The following MAT2A variants were observed in gnomAD, a reference collection of about 807,000 sequenced individuals.
MAT2A encodes the protein methionine adenosyltransferase 2A.
A neutral mutation model predicts 43.9 loss-of-function variants in MAT2A; 3 were observed. The ratio of observed to expected loss-of-function variants is 0.07; its 90% CI spans 0.03 to 0.18. MAT2A has a LOEUF of 0.18. Ranked by LOEUF, MAT2A falls within the 10% of genes least tolerant of loss-of-function variation. The pLI is 1.00. For missense variants in MAT2A, 204 were observed against 489.0 expected (o/e 0.42, Z 5.50); for synonymous variants, 200 against 168.4 (o/e 1.19, Z -1.45).
intron 3 of MAT2A, 99 bp from the exon 4 acceptor site, chr2:85,541,534 A>G (rs894847668): frequency 3.1e-6 from 4 of 1,285,546 alleles, no homozygotes; most frequent in African/African-American, 1.5e-5. Flanking sequence ...TGGTTTAGGT[A>G]TATTTGATTT....
chr2:85,542,854 A>G (rs1233847071), intron 7 of MAT2A, 47 bp from the exon 8 acceptor site: 5 of 1,595,900 alleles, frequency 3.1e-6, no homozygotes, highest in Middle Eastern at 1.8e-4. Context: ...ATACAAGTAT[A>G]TGGGTCTTTG....
At chr2:85,539,447 G>A (rs1349720730) in intron 1 of MAT2A, 69 bp downstream of exon 1, 26 of 1,314,050 alleles carry the variant, frequency 2.0e-5, no homozygotes, top group African/African-American at 3.1e-5. Context: ...GCTGGCTGCG[G>A]CCGGCCGGTG....
At chr2:85,539,450 G>A in intron 1 of MAT2A, 72 bp downstream of exon 1, 9 of 1,230,638 alleles carry the variant, frequency 7.3e-6, no homozygotes, top group Non-Finnish European at 1.0e-5. Context: ...GGCTGCGGCC[G>A]GCCGGTGGTG....
At position 85,539,444 on chromosome 2, in the gene MAT2A, G is replaced by GCGGC. The variant is rs1352709131; in HGVS notation, c.91+74_91+77dup. ...AGGCAGCGCCAAGGTCCGGCTGGCT[G>GCGGC]CGGCCGGCCGGTGGTGGGGCCCGCG... On this transcript the variant is annotated intron_variant, in intron 1 of 8. Coordinates refer to ENST00000306434, the MANE Select transcript of MAT2A (RefSeq NM_005911.6). 9.7e-6 allele frequency: 13 copies of GCGGC among 1,342,496 alleles called. No homozygotes were observed. The East Asian group carries it at 2.9e-4, about 30-fold the overall frequency. 83.2% of individuals were successfully genotyped at this position (1,342,496 alleles called of 1,614,324 possible).
rs1417054644 is a variant in MAT2A at position 85,544,663 on chromosome 2, T to G, written c.*891T>G. ...TTGCACACTTTGGTACCAGATAACT[T>G]TTTTTTTTCTTTATAAGAAAGCCTG... On this transcript the variant is annotated 3_prime_UTR_variant, in exon 9 of 9. Transcript: ENST00000306434. 6.6e-6 allele frequency: 1 copy of G among 151,852 alleles called. No homozygotes were observed. The highest frequency in any genetic ancestry group is 2.1e-4 in the South Asian group (1 of 4,778). The allele number at this position is 151,852 out of a possible 1,614,324, so 9.4% of individuals were successfully genotyped here.
Position 85,543,877 on chromosome 2 carries a change from G to A in MAT2A, c.*105G>A, listed in dbSNP as rs984413834. On this transcript the variant is annotated 3_prime_UTR_variant, in exon 9 of 9. Coordinates refer to ENST00000306434, the MANE Select transcript of MAT2A (RefSeq NM_005911.6). ...TCCTAAATTTTCCTGTCCTCTTTCAGCTCCTGACCAGTTGCAGTCACTCTA... is the reference window on the plus strand; with the variant it reads ...TCCTAAATTTTCCTGTCCTCTTTCAACTCCTGACCAGTTGCAGTCACTCTA... The A allele has an allele frequency of 1.5e-6, 1 of 661,794 alleles. No homozygotes were observed. The highest frequency in any genetic ancestry group is 2.6e-6 in the Non-Finnish European group (1 of 382,094). The allele number at this position is 661,794 out of a possible 1,614,324, so 41.0% of individuals were successfully genotyped here.
In MAT2A at chr2:85,541,864, G is replaced by A. The variant is rs1314597696; in HGVS notation, c.441G>A (p.Glu147=). ...TTGGCTATGCCACTGATGAAACTGA[G>A]GAGTGTATGCCTTTAACCATTGTCT... is the stretch of plus-strand genomic sequence containing the variant. The part of the protein sequence containing the change: ...LMFGYATDET[E]ECMPLTIVLA... The change falls in exon 5 of 9, where the codon GAG becomes GAA. Residue 147 remains glutamate, a synonymous_variant. Coordinates refer to ENST00000306434, the MANE Select transcript of MAT2A (RefSeq NM_005911.6). 6.2e-7 allele frequency: 1 copy of A among 1,614,116 alleles called. No individual in the cohort carries two copies. The highest frequency in any genetic ancestry group is 8.5e-7 in the Non-Finnish European group (1 of 1,180,034).
At chr2:85,539,587 C>T (rs1003420457) in intron 1 of MAT2A, 7 of 451,686 alleles carry the variant, frequency 1.5e-5, no homozygotes, top group South Asian at 3.4e-5. Context: ...TCCACCCTTC[C>T]CTTCCCCCCT....
At chr2:85,539,497 G>C in intron 1 of MAT2A, 119 bp downstream of exon 1, 1 of 690,590 alleles carries the variant, frequency 1.4e-6, no homozygotes, top group South Asian at 2.4e-5. Context: ...CCGGGTGATG[G>C]AAGAGCGGCG....
intron 1 of MAT2A, 113 bp downstream of exon 1, chr2:85,539,491 G>A (rs982035800): frequency 6.6e-6 from 5 of 758,148 alleles, no homozygotes; most frequent in Non-Finnish European, 9.9e-6. Flanking sequence ...CGTCCGCCGG[G>A]TGATGGAAGA....
In MAT2A at chr2:85,542,591, A is replaced by G. The variant is rs775270491; in HGVS notation, c.795A>G (p.Lys265=). The change falls in exon 7 of 9, where the codon AAA becomes AAG. Residue 265 remains lysine, a synonymous_variant. Transcript: ENST00000306434. ...PQGDAGLTGR[K]IIVDTYGGWG... is the part of the protein sequence containing the mutation. ...GTGATGCTGGTTTGACTGGACGCAA[A>G]ATCATTGTGGACACTTATGGCGGTT... is the stretch of plus-strand genomic sequence containing the variant. 9 of 1,613,976 alleles carry G rather than the reference A, an allele frequency of 5.6e-6. No homozygotes were observed. The highest frequency in any genetic ancestry group is 1.3e-5 in the African/African-American group (1 of 74,920).
rs752066000 is a variant in MAT2A at position 85,542,960 on chromosome 2, C to T, written c.1011C>T (p.Thr337=). ...CTATCTCCATTTTCCATTATGGTACCTCTCAGAAGAGTGAGAGAGAGCTAT... is the reference window on the plus strand; with the variant it reads ...CTATCTCCATTTTCCATTATGGTACTTCTCAGAAGAGTGAGAGAGAGCTAT... ...PLSISIFHYG[T]SQKSERELLE... The change falls in exon 8 of 9, where the codon ACC becomes ACT. Residue 337 remains threonine, a synonymous_variant. Coordinates refer to ENST00000306434, the MANE Select transcript of MAT2A (RefSeq NM_005911.6). 5 of 1,613,684 alleles carry T rather than the reference C, an allele frequency of 3.1e-6. No individual in the cohort carries two copies. The highest frequency in any genetic ancestry group is 3.4e-6 in the Non-Finnish European group (4 of 1,179,844).
In MAT2A at chr2:85,543,050, C is replaced by A; in HGVS notation, c.1085+16C>A. ...TCATTGTCAGGTAAAGATGGTAAAG[C>A]CTGTTGCTAGTCAAGTATTGAGGGT... On this transcript the variant is annotated intron_variant, in intron 8 of 8. Coordinates refer to ENST00000306434, the MANE Select transcript of MAT2A (RefSeq NM_005911.6). 1 of 1,609,680 alleles carries A rather than the reference C, an allele frequency of 6.2e-7. No homozygotes were observed. Among genetic ancestry groups the A allele is most frequent in the Non-Finnish European group, 8.5e-7 (1 of 1,178,644 alleles).
At chr2:85,539,449 C>T (rs1437625677) in intron 1 of MAT2A, 71 bp downstream of exon 1, 3 of 1,296,650 alleles carry the variant, frequency 2.3e-6, no homozygotes, top group East Asian at 2.9e-5. Flanking sequence ...TGGCTGCGGC[C>T]GGCCGGTGGT....
chr2:85,542,894 C>CT lies in MAT2A; in HGVS notation c.952-3dup, dbSNP rs139344458. 102 of 1,610,966 alleles carry CT rather than the reference C, an allele frequency of 6.3e-5. 1 individual carries two copies. The Middle Eastern group carries it at 2.1e-3, about 32-fold the overall frequency. ...CACTGATTCTTACGACATTTGAATCCTTTTAGGTCTCTTATGCTATTGGAG... is the reference window on the plus strand; with the variant it reads ...CACTGATTCTTACGACATTTGAATCCTTTTTAGGTCTCTTATGCTATTGGAG... On this transcript the variant is annotated splice_polypyrimidine_tract_variant and splice_region_variant and intron_variant, in intron 7 of 8. Transcript: ENST00000306434.
chr2:85,541,209 T>C (rs1422859816), intron 2 of MAT2A, 46 bp from the exon 3 acceptor site: 1 of 1,610,488 alleles, frequency 6.2e-7, no homozygotes, highest in East Asian at 2.2e-5. Flanking sequence ...GCATAAAAAT[T>C]ATTTTTATAG....
intron 1 of MAT2A, among the ~76,000 whole-genome samples, chr2:85,540,532 GA>G (rs1284228726): frequency 6.6e-6 from 1 of 152,190 alleles, no homozygotes; most frequent in African/African-American, 2.4e-5. Context: ...AAACGAACTT[GA>G]ATTAGGGAGA....
chr2:85,543,248 T>G (rs758078681), intron 8 of MAT2A: 1 of 528,824 alleles, frequency 1.9e-6, no homozygotes, highest in Non-Finnish European at 3.4e-6. Flanking sequence ...CTAACCACTC[T>G]AGAGAATGTT....
chr2:85,542,516 C>G, intron 6 of MAT2A, 49 bp from the exon 7 acceptor site: 2 of 1,561,306 alleles, frequency 1.3e-6, no homozygotes, highest in Non-Finnish European at 1.8e-6. Context: ...GCAACCTAAT[C>G]CACTTGGAAA....
Sources: allele counts gnomAD v4.1 joint callset (sites outside exome capture counted in the v4.1 genomes callset), GRCh38; gene constraint gnomAD v4.1.1; transcripts MANE v1.5; gene names NCBI Gene and HGNC (gene_info 2026-07-23, HGNC 2026-07-21).